The following PRAG1 variants were observed in gnomAD, a reference collection of about 807,000 sequenced individuals.
The protein encoded by PRAG1 is PEAK1 related, kinase-activating pseudokinase 1, also known as inactive tyrosine-protein kinase PRAG1.
A neutral mutation model predicts 95.6 loss-of-function variants in PRAG1; 110 were observed. That is an observed-to-expected ratio of 1.15 (90% CI 0.99 to 1.35). The LOEUF is 1.35. Ranked by LOEUF, PRAG1 falls within the 40% of genes most tolerant of loss-of-function variation. The pLI is 0.00. For synonymous variants in PRAG1, 1,052 were observed against 819.4 expected (o/e 1.28, Z -4.85); for missense variants, 2,554 against 1,864.7 (o/e 1.37, Z -6.81).
chr8:8,325,540 A>C (rs1798609402), intron 5 of PRAG1, among the ~76,000 whole-genome samples: 1 of 152,216 alleles, frequency 6.6e-6, no homozygotes, highest in South Asian at 2.1e-4. Flanking sequence ...TGTTTATTAG[A>C]GAATACGGCT....
intron 1 of PRAG1, 45 bp downstream of exon 1, chr8:8,386,276 C>G (rs1800847926): frequency 6.6e-6 from 1 of 152,198 alleles, no homozygotes; most frequent in Admixed American, 6.5e-5. Flanking sequence ...ACCACGCTCG[C>G]CAGACAAAAA....
intron 3 of PRAG1, among the ~76,000 whole-genome samples, chr8:8,351,202 A>T (rs1799509527): frequency 6.6e-6 from 1 of 152,144 alleles, no homozygotes; most frequent in Admixed American, 6.5e-5. Context: ...GCAAATGGGG[A>T]GTCAGCACTT....
chr8:8,348,003 G>A (rs1314106392), intron 3 of PRAG1, among the ~76,000 whole-genome samples: 3 of 152,038 alleles, frequency 2.0e-5, no homozygotes, highest in African/African-American at 7.2e-5. Flanking sequence ...TACAACCTCT[G>A]CCTCCCCGGT....
At chr8:8,345,657 C>T (rs181556884) in intron 3 of PRAG1, among the ~76,000 whole-genome samples, 6 of 152,058 alleles carry the variant, frequency 3.9e-5, no homozygotes, top group African/African-American at 1.2e-4. Flanking sequence ...TAGCCAAGCA[C>T]GGTGGTGTAT....
intron 4 of PRAG1, among the ~76,000 whole-genome samples, chr8:8,331,745 C>A (rs972817964): frequency 6.6e-6 from 1 of 152,122 alleles, no homozygotes; most frequent in Non-Finnish European, 1.5e-5. Flanking sequence ...AAAAACCCTT[C>A]GTGTATTCAG....
chr8:8,327,838 G>C lies in PRAG1; in HGVS notation c.2944C>G (p.Leu982Val). ...DLFMGGQKKE[L>V]HFNENNWSLF... is the part of the protein sequence containing the mutation. ...GACCAGTTATTCTCATTGAAGTGGAGCTCCTTTTTCTGGCCGCCCATGAAG... is the reference window on the plus strand; with the variant it reads ...GACCAGTTATTCTCATTGAAGTGGACCTCCTTTTTCTGGCCGCCCATGAAG... Residue 982 changes from leucine to valine, a missense_variant, in exon 5 of 6, where the codon CTC (leucine) becomes GTC (valine). Transcript: ENST00000615670. 13 of 1,614,236 alleles carry C rather than the reference G, an allele frequency of 8.1e-6. No homozygotes were observed. The highest frequency in any genetic ancestry group is 1.1e-5 in the Non-Finnish European group (13 of 1,180,038).
chr8:8,318,801 G>C lies in PRAG1; in HGVS notation c.3574C>G (p.Leu1192Val), dbSNP rs1286746710. The stretch of plus-strand genomic sequence containing the variant: ...GAGGCGGGGCCGGCTGCGGGGCTGA[G>C]AGTGCCACCAGCAGGCGGGGCGGCA... Reference protein sequence around the residue: ...SSAAPPAGGTLSPAAGPASPE... With the variant: ...SSAAPPAGGTVSPAAGPASPE... The change falls in exon 6 of 6, where the codon CTC (leucine) becomes GTC (valine). Residue 1192 changes from leucine to valine, a missense_variant. By Grantham distance (32) the Leu-to-Val change is conservative. Transcript: ENST00000615670. The surrounding 1 kb of genome is among the most constrained non-coding windows in gnomAD (Gnocchi z 4.2). The C allele has an allele frequency of 7.4e-6, 11 of 1,493,610 alleles. No individual in the cohort carries two copies. In the Admixed American group the frequency reaches 1.1e-4, roughly 15 times the overall value. 92.5% of individuals were successfully genotyped at this position (1,493,610 alleles called of 1,614,324 possible). A position where few individuals can be genotyped will look rare whatever the true frequency, so the allele number is the denominator to read the frequency against.
chr8:8,358,155 A>G (rs376163782), intron 3 of PRAG1, among the ~76,000 whole-genome samples: 103 of 152,322 alleles, frequency 6.8e-4, no homozygotes, highest in African/African-American at 2.4e-3. Flanking sequence ...CTTGGGTTCA[A>G]TTAATTTGTT....
At chr8:8,332,920 G>T (rs1007771395) in intron 4 of PRAG1, among the ~76,000 whole-genome samples, 40 of 150,822 alleles carry the variant, frequency 2.7e-4, no homozygotes, top group African/African-American at 9.4e-4. Flanking sequence ...GCCACACTCT[G>T]GATTAGGCAA....
At chr8:8,337,107 G>A (rs1799014039) in intron 4 of PRAG1, among the ~76,000 whole-genome samples, 1 of 152,148 alleles carries the variant, frequency 6.6e-6, no homozygotes, top group Admixed American at 6.5e-5. Flanking sequence ...GATTCTTACT[G>A]ACAAAATAAA....
chr8:8,375,543 C>T (rs1021539752), intron 3 of PRAG1, among the ~76,000 whole-genome samples: 6 of 152,074 alleles, frequency 3.9e-5, no homozygotes, highest in Admixed American at 1.3e-4. Flanking sequence ...TTCCTAACCA[C>T]ATGTAAAACT....
intron 4 of PRAG1, among the ~76,000 whole-genome samples, chr8:8,339,079 C>T (rs1023469019): frequency 6.6e-6 from 1 of 151,712 alleles, no homozygotes; most frequent in African/African-American, 2.4e-5. Context: ...CATGTGGGTA[C>T]ATGCACATGT....
chr8:8,381,309 A>C, intron 2 of PRAG1, 109 bp downstream of exon 2: 1 of 1,050,814 alleles, frequency 9.5e-7, no homozygotes, highest in Non-Finnish European at 1.4e-6. Context: ...ACAGGAAGCT[A>C]TCCTGCAGGT....
At chr8:8,374,126 T>C (rs1038348140) in intron 3 of PRAG1, among the ~76,000 whole-genome samples, 18 of 152,212 alleles carry the variant, frequency 1.2e-4, no homozygotes, top group African/African-American at 4.3e-4. Flanking sequence ...TTGGATTCCA[T>C]TGTTTGTCTC....
rs373940908 is a variant in PRAG1, at chr8:8,332,047, G to A, written c.2321-3586C>T. 8.5e-5 allele frequency among the ~76,000 whole-genome samples: 13 copies of A among 152,066 alleles called. No individual in the cohort carries two copies. In the East Asian group the frequency reaches 2.3e-3, roughly 27 times the overall value. On this transcript the variant is annotated intron_variant, in intron 4 of 5. Transcript: ENST00000615670. ...GCATACCCAAACATTCCCTATCCAC[G>A]CCCTTGCCCAGCAGAAGTAAAGTCC...
rs56215812 is a variant in PRAG1 at position 8,328,230 on chromosome 8, T to C, written c.2552A>G (p.His851Arg). 0.015 allele frequency: 24,004 copies of C among 1,613,996 alleles called. 215 individuals are homozygous for C. The highest frequency in any genetic ancestry group is 0.018 in the Non-Finnish European group (21,382 of 1,180,016). The change falls in exon 5 of 6, where the codon CAC becomes CGC. Residue 851 changes from histidine to arginine, a missense_variant. Coordinates refer to ENST00000615670, the MANE Select transcript of PRAG1 (RefSeq NM_001080826.3). ...TTCGTCGTGGACGTTGGTTTCCGAGTGGCTTAGGTTCAGCTTGGGGCTTGC... is the reference window on the plus strand; with the variant it reads ...TTCGTCGTGGACGTTGGTTTCCGAGCGGCTTAGGTTCAGCTTGGGGCTTGC... ...GTASPKLNLS[H>R]SETNVHDESH... is the part of the protein sequence containing the mutation.
intron 1 of PRAG1, among the ~76,000 whole-genome samples, 152 bp downstream of exon 1, chr8:8,386,169 C>A (rs1312661086): frequency 2.0e-5 from 3 of 152,324 alleles, no homozygotes; most frequent in Middle Eastern, 3.4e-3. Context: ...CCGGGGCTCA[C>A]GCGGCCCCGG....
intron 3 of PRAG1, among the ~76,000 whole-genome samples, chr8:8,375,273 G>T (rs1800348339): frequency 6.6e-6 from 1 of 150,574 alleles, no homozygotes; most frequent in Admixed American, 6.6e-5. Context: ...GCACCATCTC[G>T]GCTCACTGCA....
chr8:8,365,381 T>C (rs1269059778), intron 3 of PRAG1, among the ~76,000 whole-genome samples: 1 of 152,048 alleles, frequency 6.6e-6, no homozygotes, highest in Non-Finnish European at 1.5e-5. Flanking sequence ...CCCAACACTG[T>C]GGGAGGCCAA....
Sources: gnomAD v4.1 joint callset for allele counts (sites outside exome capture counted in the v4.1 genomes callset) on GRCh38, gnomAD v4.1.1 for gene constraint, Gnocchi (gnomAD v3.1) non-coding constraint, MANE v1.5 for transcripts, NCBI Gene and HGNC (gene_info 2026-07-23, HGNC 2026-07-21) for gene names.